Variants in PLCXD3 observed in about 807,000 individuals in gnomAD.
PLCXD3 encodes the protein PI-PLC X domain-containing protein 3.
A neutral mutation model predicts 25.5 loss-of-function variants in PLCXD3; 19 were observed. That is an observed-to-expected ratio of 0.75 (90% CI 0.52 to 1.09). The LOEUF (loss-of-function observed/expected upper bound fraction) is 1.09, where lower values mean the gene tolerates loss of function less well. PLCXD3 is among the 50% of genes least tolerant of loss of function. PLCXD3 has a pLI of 0.00. For synonymous variants in PLCXD3, 174 were observed against 137.6 expected (o/e 1.26, Z -1.85); for missense variants, 411 against 388.1 (o/e 1.06, Z -0.50).
chr5:41,471,122 A>T (rs1748147316), intron 1 of PLCXD3, among the ~76,000 whole-genome samples: 1 of 152,196 alleles, frequency 6.6e-6, no homozygotes, highest in African/African-American at 2.4e-5. Context: ...AAGATGGAAT[A>T]ATAGAAGGCT....
intron 1 of PLCXD3, among the ~76,000 whole-genome samples, chr5:41,482,996 A>G (rs1748445085): frequency 1.3e-5 from 2 of 152,198 alleles, no homozygotes; most frequent in Non-Finnish European, 2.9e-5. Flanking sequence ...ACTATTTGAG[A>G]TATCTTATAT....
intron 1 of PLCXD3, among the ~76,000 whole-genome samples, chr5:41,479,698 T>A (rs1201516204): frequency 6.6e-6 from 1 of 151,404 alleles, no homozygotes; most frequent in African/African-American, 2.4e-5. Flanking sequence ...TGGTCCTTAG[T>A]ACTCTGCTGA....
intron 1 of PLCXD3, among the ~76,000 whole-genome samples, chr5:41,387,980 G>A (rs13155537): frequency 6.6e-6 from 1 of 151,908 alleles, no homozygotes; most frequent in African/African-American, 2.4e-5. Context: ...AATTTTTAAA[G>A]AACTAGACTA....
intron 2 of PLCXD3, among the ~76,000 whole-genome samples, chr5:41,357,801 A>G (rs1470091001): frequency 2.0e-5 from 3 of 152,254 alleles, no homozygotes; most frequent in African/African-American, 7.2e-5. Flanking sequence ...TTAGTGTTAG[A>G]GAAAAACAAA....
intron 2 of PLCXD3, among the ~76,000 whole-genome samples, chr5:41,372,340 A>G (rs1033703969): frequency 6.7e-6 from 1 of 148,850 alleles, no homozygotes; most frequent in Admixed American, 6.7e-5. Flanking sequence ...ACACACACAC[A>G]CACACACACC....
chr5:41,396,001 G>GAAA (rs60348556), intron 1 of PLCXD3, among the ~76,000 whole-genome samples: 30 of 141,340 alleles, frequency 2.1e-4, no homozygotes, highest in South Asian at 7.0e-4. Context: ...GCCCATCAAA[G>GAAA]AAAAAAAAAA....
chr5:41,314,034 C>T (rs940990038), intron 2 of PLCXD3, among the ~76,000 whole-genome samples: 3 of 152,096 alleles, frequency 2.0e-5, no homozygotes, highest in African/African-American at 4.8e-5. Flanking sequence ...AATGATGCTT[C>T]CCTACTAAGA....
chr5:41,449,716 T>C (rs1355167195), intron 1 of PLCXD3, among the ~76,000 whole-genome samples: 3 of 152,128 alleles, frequency 2.0e-5, no homozygotes, highest in Non-Finnish European at 4.4e-5. Flanking sequence ...TTATCTCACC[T>C]GGAGATTGAG....
At chr5:41,341,354 C>T (rs1225628831) in intron 2 of PLCXD3, among the ~76,000 whole-genome samples, 1 of 152,160 alleles carries the variant, frequency 6.6e-6, no homozygotes, top group African/African-American at 2.4e-5. Flanking sequence ...ATCACGTCTA[C>T]AAATCGCTGA....
At chr5:41,467,944 T>A (rs573205239) in intron 1 of PLCXD3, among the ~76,000 whole-genome samples, 10 of 151,958 alleles carry the variant, frequency 6.6e-5, no homozygotes, top group African/African-American at 2.4e-4. Flanking sequence ...GGCAACATGA[T>A]GTTTTGATTA....
chr5:41,496,512 C>G (rs1227037046), intron 1 of PLCXD3, among the ~76,000 whole-genome samples: 1 of 151,200 alleles, frequency 6.6e-6, no homozygotes, highest in East Asian at 1.9e-4. Flanking sequence ...AAGTAGATTT[C>G]TCAGCAGAAA....
chr5:41,422,105 A>G (rs1392282129), intron 1 of PLCXD3, among the ~76,000 whole-genome samples: 1 of 152,172 alleles, frequency 6.6e-6, no homozygotes, highest in Non-Finnish European at 1.5e-5. Context: ...CTTAGTCTTT[A>G]TAGACAATAG....
intron 1 of PLCXD3, among the ~76,000 whole-genome samples, chr5:41,403,401 G>GTTTGTTTGTTTTGTTTTTGTTT (rs1554047951): frequency 1.1e-4 from 2 of 18,394 alleles, no homozygotes; most frequent in African/African-American, 1.8e-4. Context: ...CTTATTTGTT[G>GTTTGTTTGTTTTGTTTTTGTTT]TTTTTTTTTT....
At chr5:41,412,469 T>A (rs76532816) in intron 1 of PLCXD3, among the ~76,000 whole-genome samples, 16,509 of 152,234 alleles carry the variant, frequency 0.11, 1,081 homozygotes, top group Admixed American at 0.17. Context: ...TCTTTACCTT[T>A]ACTTCATTAT....
At chr5:41,454,375 G>T (rs1747705005) in intron 1 of PLCXD3, among the ~76,000 whole-genome samples, 1 of 151,916 alleles carries the variant, frequency 6.6e-6, no homozygotes, top group Non-Finnish European at 1.5e-5. Flanking sequence ...TGGCAGATTT[G>T]GTATTTGGTG....
intron 1 of PLCXD3, among the ~76,000 whole-genome samples, chr5:41,386,555 A>G (rs1745642103): frequency 6.6e-6 from 1 of 152,124 alleles, no homozygotes; most frequent in Non-Finnish European, 1.5e-5. Context: ...TTATATAGAA[A>G]TGAGACTTTT....
intron 2 of PLCXD3, among the ~76,000 whole-genome samples, chr5:41,343,838 A>C (rs1190286602): frequency 6.6e-6 from 1 of 152,156 alleles, no homozygotes; most frequent in Non-Finnish European, 1.5e-5. Flanking sequence ...TTTGCTATAC[A>C]CAAGGCCAAC....
rs141148823 is a variant in PLCXD3, at chr5:41,390,446, A to T, written c.104-7912T>A. 3.9e-5 allele frequency among the ~76,000 whole-genome samples: 6 copies of T among 152,248 alleles called. 1 individual carries two copies. The highest frequency in any genetic ancestry group is 1.4e-4 in the African/African-American group (6 of 41,560). ...AGAAATTGACAAATTTCTCAAAAAG[A>T]TTGTCTCATTTTATATTTCCTCAAG... On this transcript the variant is annotated intron_variant, in intron 1 of 2. Coordinates refer to ENST00000377801, the MANE Select transcript of PLCXD3 (RefSeq NM_001005473.3).
intron 2 of PLCXD3, among the ~76,000 whole-genome samples, chr5:41,338,252 C>A (rs1744039409): frequency 6.6e-6 from 1 of 152,122 alleles, no homozygotes; most frequent in African/African-American, 2.4e-5. Context: ...AAAAGGTTTT[C>A]TTGGCCACAT....
Sources: allele counts gnomAD v4.1 joint callset (sites outside exome capture counted in the v4.1 genomes callset), GRCh38; gene constraint gnomAD v4.1.1; transcripts MANE v1.5; gene names NCBI Gene and HGNC (gene_info 2026-07-23, HGNC 2026-07-21).